The following DENND2B variants were observed in gnomAD, a reference collection of about 807,000 sequenced individuals.
DENND2B encodes DENN domain containing 2B.
A neutral mutation model predicts 116.0 loss-of-function variants in DENND2B; 32 were observed. The ratio of observed to expected loss-of-function variants is 0.28; its 90% confidence interval spans 0.21 to 0.37. The LOEUF is 0.37. Ranked by LOEUF, DENND2B falls within the 10% of genes least tolerant of loss-of-function variation. DENND2B has a pLI of 1.00. For synonymous variants in DENND2B, 588 were observed against 583.9 expected, an observed-to-expected ratio of 1.01 and a Z score of -0.10; for missense variants, 1,276 against 1,477.7, an observed-to-expected ratio of 0.86 and a Z score of 2.24.
At chr11:8,745,064 G>A (rs919052620) in intron 2 of DENND2B, among the ~76,000 whole-genome samples, 2 of 151,852 alleles carry the variant, frequency 1.3e-5, no homozygotes, top group African/African-American at 4.8e-5. Context: ...CTACAGGCAT[G>A]CACCACCACA....
intron 1 of DENND2B, chr11:8,881,135 A>G (rs558302308): frequency 6.6e-6 from 1 of 151,820 alleles, no homozygotes; most frequent in Non-Finnish European, 1.5e-5. Context: ...ATTTTTTTTT[A>G]CCAGCTGGGA....
chr11:8,826,929 G>A (rs932162198), intron 4 of DENND2B, among the ~76,000 whole-genome samples: 2 of 152,236 alleles, frequency 1.3e-5, no homozygotes, highest in Non-Finnish European at 2.9e-5. Context: ...AGGAAGGGAA[G>A]ATGAGGGAGA....
At chr11:8,904,337 T>A (rs893377176) in intron 1 of DENND2B, among the ~76,000 whole-genome samples, 4 of 152,182 alleles carry the variant, frequency 2.6e-5, no homozygotes, top group African/African-American at 7.2e-5. Flanking sequence ...TCATTCATGA[T>A]AAAAACTTTC....
intron 4 of DENND2B, among the ~76,000 whole-genome samples, chr11:8,724,780 G>A (rs2046813219): frequency 6.6e-6 from 1 of 152,246 alleles, no homozygotes; most frequent in Non-Finnish European, 1.5e-5. Flanking sequence ...GACAGAGATA[G>A]TGTCTCCCTT....
chr11:8,705,543 C>T lies in DENND2B; in HGVS notation c.2571+1542G>A, dbSNP rs77460420. Among the ~76,000 whole-genome samples, 17 of 152,318 alleles carry T rather than the reference C, an allele frequency of 1.1e-4. No individual in the cohort carries two copies. In the East Asian group the frequency reaches 3.3e-3, roughly 29 times the overall value. On this transcript the variant is annotated intron_variant, in intron 13 of 19. Transcript: ENST00000313726. The stretch of plus-strand genomic sequence containing the variant: ...GGAGGACCCCATACTGGGCTCTCTT[C>T]TCTTCCCTATTTACACTCTTTGCTA...
chr11:8,765,584 T>G (rs925480912), intron 1 of DENND2B, among the ~76,000 whole-genome samples: 1 of 152,244 alleles, frequency 6.6e-6, no homozygotes, highest in Non-Finnish European at 1.5e-5. Flanking sequence ...ATGGCACTAA[T>G]CAATCTGGTT....
At chr11:8,877,156 T>G (rs1369966119) in intron 2 of DENND2B, among the ~76,000 whole-genome samples, 2 of 135,486 alleles carry the variant, frequency 1.5e-5, no homozygotes, top group Non-Finnish European at 3.0e-5. Flanking sequence ...CAGGCTGGAG[T>G]GCAGTGGTGC....
exon 2 of DENND2B, chr11:8,881,024 C>T (rs913601282): frequency 1.3e-5 from 2 of 152,092 alleles, no homozygotes; most frequent in African/African-American, 4.8e-5. Context: ...GTTGAATCTC[C>T]TGTTTCCTTC....
chr11:8,841,582 C>T (rs555116427), intron 3 of DENND2B, among the ~76,000 whole-genome samples: 2 of 152,256 alleles, frequency 1.3e-5, no homozygotes, highest in African/African-American at 4.8e-5. Context: ...CCTGGGCGGT[C>T]GAGGCTGCAG....
intron 2 of DENND2B, among the ~76,000 whole-genome samples, chr11:8,879,114 C>T (rs754143945): frequency 1.3e-5 from 2 of 152,220 alleles, no homozygotes; most frequent in Non-Finnish European, 2.9e-5. Context: ...AGAAGTCTAC[C>T]GTTCCAGTCA....
At chr11:8,905,188 G>A (rs1004870790) in intron 1 of DENND2B, among the ~76,000 whole-genome samples, 3 of 152,058 alleles carry the variant, frequency 2.0e-5, no homozygotes, top group Non-Finnish European at 4.4e-5. Flanking sequence ...ATGGCATAAG[G>A]ACAGACATAT....
chr11:8,748,562 T>C (rs544364320), intron 2 of DENND2B, among the ~76,000 whole-genome samples: 112 of 151,116 alleles, frequency 7.4e-4, no homozygotes, highest in African/African-American at 2.7e-3. Flanking sequence ...GAGAGAAGGG[T>C]GTCACTAGCC....
chr11:8,798,759 G>A (rs2060047760), intron 1 of DENND2B, among the ~76,000 whole-genome samples: 1 of 151,486 alleles, frequency 6.6e-6, no homozygotes, highest in Admixed American at 6.6e-5. Flanking sequence ...GGAGGGGGTA[G>A]GAAAGAAAAT....
At chr11:8,716,524 C>T (rs2044824596) in intron 5 of DENND2B, among the ~76,000 whole-genome samples, 1 of 152,232 alleles carries the variant, frequency 6.6e-6, no homozygotes, top group Admixed American at 6.5e-5. Context: ...CTGGAATTGC[C>T]TCTCCTCACT....
In DENND2B at chr11:8,712,960, C is replaced by A. The variant is rs1361604896; in HGVS notation, c.1988-225G>T. 6.6e-6 allele frequency among the ~76,000 whole-genome samples: 1 copy of A among 152,304 alleles called. No homozygotes were observed. Among genetic ancestry groups the A allele is most frequent in the Middle Eastern group, 3.4e-3 (1 of 294 alleles). On this transcript the variant is annotated intron_variant, in intron 8 of 19. Coordinates refer to ENST00000313726, the MANE Select transcript of DENND2B (RefSeq NM_213618.2). The surrounding 1 kb of genome is among the most constrained non-coding windows in gnomAD (Gnocchi z 4.4). ...AGCTGCGGGCCTGGTCCTCCTGGAGCCTCTGGAGACTGAGCTGGGGCAGGA... is the reference window on the plus strand; with the variant it reads ...AGCTGCGGGCCTGGTCCTCCTGGAGACTCTGGAGACTGAGCTGGGGCAGGA...
At chr11:8,849,490 CAAAAAAAAA>C (rs35966963) in intron 3 of DENND2B, among the ~76,000 whole-genome samples, 1 of 63,568 alleles carries the variant, frequency 1.6e-5, no homozygotes, top group Non-Finnish European at 3.0e-5. Flanking sequence ...TAGACTGTCT[CAAAAAAAAA>C]AAAAAAAAAA....
intron 7 of DENND2B, 114 bp from the exon 8 acceptor site, chr11:8,714,156 C>G: frequency 9.1e-7 from 1 of 1,095,958 alleles, no homozygotes. Flanking sequence ...CTCTGGGCTA[C>G]TCTGGGCCCA....
chr11:8,756,358 T>C (rs931474735), intron 1 of DENND2B, among the ~76,000 whole-genome samples: 1 of 152,306 alleles, frequency 6.6e-6, no homozygotes, highest in Non-Finnish European at 1.5e-5. Context: ...GACATCTGGG[T>C]GGCTAAGAAG....
At chr11:8,859,038 TG>T (rs2134670736) in intron 2 of DENND2B, among the ~76,000 whole-genome samples, 1 of 152,316 alleles carries the variant, frequency 6.6e-6, no homozygotes, top group Non-Finnish European at 1.5e-5. Flanking sequence ...ACTGAGCCCT[TG>T]GGCGCTCCAA....
Sources: gnomAD v4.1 joint callset for allele counts (sites outside exome capture counted in the v4.1 genomes callset) on GRCh38, gnomAD v4.1.1 for gene constraint, Gnocchi (gnomAD v3.1) non-coding constraint, MANE v1.5 for transcripts, NCBI Gene and HGNC (gene_info 2026-07-23, HGNC 2026-07-21) for gene names.